Variants in POU2F3 observed in about 807,000 individuals in gnomAD.
POU2F3 encodes POU domain, class 2, transcription factor 3.
Under a neutral mutation model 59.2 loss-of-function variants are expected in POU2F3, and 23 were observed. The observed-to-expected ratio is 0.39, with a 90% CI of 0.28 to 0.55. The LOEUF (loss-of-function observed/expected upper bound fraction) is 0.55, where lower values mean the gene tolerates loss of function less well. POU2F3 is among the 20% of genes least tolerant of loss of function. The pLI, the probability that POU2F3 is intolerant of heterozygous loss-of-function variation, is 0.66. For missense variants in POU2F3, 473 were observed against 544.5 expected (o/e 0.87, Z 1.31); for synonymous variants, 190 against 214.6 (o/e 0.89, Z 1.00).
chr11:120,301,675 C>T (rs1343188382), intron 5 of POU2F3: 1 of 153,442 alleles, frequency 6.5e-6, no homozygotes, highest in Non-Finnish European at 1.4e-5. Flanking sequence ...CGGTATAATA[C>T]ATACTGCCCA....
intron 10 of POU2F3, among the ~76,000 whole-genome samples, chr11:120,310,831 G>T (rs547465911): frequency 6.6e-6 from 1 of 152,264 alleles, no homozygotes; most frequent in East Asian, 1.9e-4. Context: ...GATAAATATT[G>T]TTTGTTCCCT....
chr11:120,237,387 C>T (rs1438448606), upstream of POU2F3, among the ~76,000 whole-genome samples: 1 of 152,152 alleles, frequency 6.6e-6, no homozygotes, highest in Admixed American at 6.5e-5. Context: ...GAACCCAAAG[C>T]TGTGCCTCCA....
At chr11:120,313,330 GAA>G (rs1353332233) in intron 10 of POU2F3, among the ~76,000 whole-genome samples, 1 of 152,240 alleles carries the variant, frequency 6.6e-6, no homozygotes, top group Non-Finnish European at 1.5e-5. Flanking sequence ...AGGCACCGTA[GAA>G]AGCACTGGGG....
chr11:120,268,233 A>G (rs1030561161), intron 2 of POU2F3, among the ~76,000 whole-genome samples: 1 of 152,220 alleles, frequency 6.6e-6, no homozygotes, highest in Non-Finnish European at 1.5e-5. Context: ...ATAATATCAT[A>G]AAATATACAA....
intron 2 of POU2F3, among the ~76,000 whole-genome samples, chr11:120,248,631 C>T (rs910594603): frequency 6.6e-6 from 1 of 152,186 alleles, no homozygotes; most frequent in Non-Finnish European, 1.5e-5. Context: ...CTCCAAGGAG[C>T]CCGTGATGTC....
chr11:120,250,750 C>T (rs560432840), intron 2 of POU2F3, among the ~76,000 whole-genome samples: 29 of 152,134 alleles, frequency 1.9e-4, no homozygotes, highest in Middle Eastern at 6.8e-3. Flanking sequence ...CCAAGGCAGG[C>T]GAATCACTTG....
intron 1 of POU2F3, 149 bp downstream of exon 1, chr11:120,240,520 G>T (rs1938616320): frequency 1.8e-6 from 2 of 1,089,334 alleles, no homozygotes; most frequent in Non-Finnish European, 2.4e-6. Context: ...TGGGGTGGGT[G>T]CCGGTCAGTA....
At chr11:120,308,656 G>A (rs555134067) in intron 9 of POU2F3, among the ~76,000 whole-genome samples, 1 of 152,188 alleles carries the variant, frequency 6.6e-6, no homozygotes, top group East Asian at 1.9e-4. Context: ...TGACAAGGCA[G>A]GCCAGGCATG....
At chr11:120,303,494 T>A (rs1173264162) in intron 6 of POU2F3, 1 of 152,288 alleles carries the variant, frequency 6.6e-6, no homozygotes, top group Non-Finnish European at 1.5e-5. Flanking sequence ...GTTGAATCAG[T>A]GCAGTTTGCC....
At chr11:120,256,582 C>T (rs1273526043) in intron 2 of POU2F3, 2 of 152,236 alleles carry the variant, frequency 1.3e-5, no homozygotes, top group Non-Finnish European at 1.5e-5. Flanking sequence ...TGACTGTCAC[C>T]CCACAAGAAG....
chr11:120,236,787 A>G (rs1398675374), upstream of POU2F3: 2 of 1,346,016 alleles, frequency 1.5e-6, no homozygotes, highest in African/African-American at 1.4e-5. Context: ...GAAGGAATAA[A>G]GATTGCTCAC....
At chr11:120,241,616 T>G (rs1292914679) in intron 1 of POU2F3, among the ~76,000 whole-genome samples, 2 of 152,184 alleles carry the variant, frequency 1.3e-5, no homozygotes, top group Non-Finnish European at 2.9e-5. Flanking sequence ...TGGGCATACC[T>G]GGGGCAGATC....
chr11:120,302,096 G>A (rs12287078), intron 5 of POU2F3, 190 bp from the exon 6 acceptor site: 12,875 of 579,480 alleles, frequency 0.022, 1,161 homozygotes, highest in African/African-American at 0.2. Context: ...TATCTGATTT[G>A]CCTCCACCTG....
chr11:120,247,355 A>G (rs1029210312), intron 2 of POU2F3, among the ~76,000 whole-genome samples: 7 of 152,220 alleles, frequency 4.6e-5, no homozygotes, highest in Non-Finnish European at 1.0e-4. Context: ...AATCTTTTTC[A>G]AATCTTGTAG....
chr11:120,247,201 A>T (rs1313557512), intron 2 of POU2F3, among the ~76,000 whole-genome samples: 1 of 152,204 alleles, frequency 6.6e-6, no homozygotes, highest in Admixed American at 6.5e-5. Flanking sequence ...CATATAATTA[A>T]AAAGAACTTA....
chr11:120,259,948 T>G (rs1398914970), intron 2 of POU2F3, among the ~76,000 whole-genome samples: 1 of 152,210 alleles, frequency 6.6e-6, no homozygotes, highest in African/African-American at 2.4e-5. Context: ...GCTGGAAGCT[T>G]CTCCATTTGT....
chr11:120,237,281 T>C (rs1000829073), upstream of POU2F3, among the ~76,000 whole-genome samples: 1 of 152,160 alleles, frequency 6.6e-6, no homozygotes, highest in Non-Finnish European at 1.5e-5. Context: ...ATTGAGTGAA[T>C]GAGTAAATGA....
At chr11:120,244,124 TCCCAG>T (rs1275699495) in intron 1 of POU2F3, among the ~76,000 whole-genome samples, 1 of 152,096 alleles carries the variant, frequency 6.6e-6, no homozygotes, top group East Asian at 1.9e-4. Context: ...CTGGTCATCA[TCCCAG>T]CGTCACTGCC....
chr11:120,270,775 C>T (rs1422480253), intron 3 of POU2F3, among the ~76,000 whole-genome samples: 2 of 152,168 alleles, frequency 1.3e-5, no homozygotes, highest in African/African-American at 4.8e-5. Context: ...TCACTGCAGC[C>T]TTGACTTCTG....
Sources: allele counts gnomAD v4.1 joint callset (sites outside exome capture counted in the v4.1 genomes callset), GRCh38; gene constraint gnomAD v4.1.1; transcripts MANE v1.5; gene names NCBI Gene and HGNC (gene_info 2026-07-23, HGNC 2026-07-21).